Variants in ABCA4 observed in about 807,000 individuals in gnomAD.
ABCA4 encodes ATP binding cassette subfamily A member 4.
In ABCA4, 196 loss-of-function variants were observed where a neutral mutation model predicts 263.7. That is an observed-to-expected ratio of 0.74 (90% CI 0.66 to 0.84). The LOEUF (loss-of-function observed/expected upper bound fraction) is 0.84. ABCA4 is among the 40% of genes least tolerant of loss of function. The pLI is 0.00. For missense variants in ABCA4, 2,792 were observed against 2,855.1 expected, an observed-to-expected ratio of 0.98 and a Z score of 0.50; for synonymous variants, 1,133 against 1,094.2, an observed-to-expected ratio of 1.04 and a Z score of -0.70.
At chr1:94,033,468 G>T (rs983185586) in intron 26 of ABCA4, among the ~76,000 whole-genome samples, 2 of 151,832 alleles carry the variant, frequency 1.3e-5, no homozygotes, top group African/African-American at 4.8e-5. Flanking sequence ...CACAGGATTG[G>T]TTTGGAAATT....
rs776866627 is a variant in ABCA4, at chr1:94,036,743, C to T, written c.3859G>A (p.Ala1287Thr). The change falls in exon 26 of 50, where the codon GCG becomes ACG. Residue 1287 changes from alanine to threonine, a missense_variant. Ala to Thr is a moderately conservative substitution (Grantham distance 58). Transcript: ENST00000370225. ...TEDSDSGPLF[A>T]GGAQQKRENV... ...GCCACTGGCTCCAGCACCATACCCG[C>T]AAACAGAGGTCCTGAATCAGAATCC... 1 of 1,614,072 alleles carries T rather than the reference C, an allele frequency of 6.2e-7. No individual in the cohort carries two copies. Among genetic ancestry groups the T allele is most frequent in the Non-Finnish European group, 8.5e-7 (1 of 1,180,004 alleles).
intron 8 of ABCA4, 139 bp downstream of exon 8, chr1:94,080,339 T>C: frequency 1.7e-6 from 2 of 1,199,364 alleles, no homozygotes; most frequent in Non-Finnish European, 2.4e-6. Flanking sequence ...GTGGACTTTC[T>C]GGGAGAAGTC....
At chr1:94,066,356 T>C (rs1290809281) in intron 11 of ABCA4, among the ~76,000 whole-genome samples, 1 of 152,230 alleles carries the variant, frequency 6.6e-6, no homozygotes, top group Non-Finnish European at 1.5e-5. Context: ...CAAAGATAAG[T>C]AGTCAAATAA....
Position 94,021,647 on chromosome 1 carries a change from T to G in ABCA4, c.4841A>C (p.Asn1614Thr). The change falls in exon 34 of 50, where the codon AAC becomes ACC. Residue 1614 changes from asparagine (N) to threonine (T), a missense_variant. Physicochemically the swap from Asn to Thr is moderately conservative, Grantham distance 65. Transcript: ENST00000370225. ...TATACATAGGTCAAGTACCTTAATG[T>G]TGTCTTCAGTTTCTAGATGTTTAAG... The part of the protein sequence containing the change: ...DFLKHLETED[N>T]IKVWFNNKGW... 1 of 1,611,774 alleles carries G rather than the reference T, an allele frequency of 6.2e-7. No homozygotes were observed. Among genetic ancestry groups the G allele is most frequent in the Non-Finnish European group, 8.5e-7 (1 of 1,178,568 alleles).
intron 47 of ABCA4, among the ~76,000 whole-genome samples, chr1:93,999,045 CCAG>C (rs1659101838): frequency 6.6e-6 from 1 of 150,952 alleles, no homozygotes; most frequent in African/African-American, 2.4e-5. Flanking sequence ...GCCACCACGC[CCAG>C]CCTATTTTAT....
chr1:94,109,050 G>A (rs2101156995), intron 3 of ABCA4, among the ~76,000 whole-genome samples: 1 of 152,296 alleles, frequency 6.6e-6, no homozygotes, highest in South Asian at 2.1e-4. Context: ...GGGATTACAG[G>A]CATGAGCCAC....
Position 94,060,579 on chromosome 1 carries a change from G to A in ABCA4, c.2118C>T (p.Ser706=). The A allele has an allele frequency of 6.2e-7, 1 of 1,614,188 alleles. No individual in the cohort carries two copies. The highest frequency in any genetic ancestry group is 1.3e-5 in the African/African-American group (1 of 75,042). The part of the protein sequence containing the change: ...IWCTWFLDSF[S]IMSMSIFLLT... ...GGAGGAAGATGCTCATCGACATGAT[G>A]GAGAAGCTGTCCAGGAACCAGGTAC... Residue 706 remains serine, a synonymous_variant, in exon 14 of 50, where the codon TCC becomes TCT. Transcript: ENST00000370225.
intron 2 of ABCA4, among the ~76,000 whole-genome samples, chr1:94,112,531 C>T (rs1449101915): frequency 6.6e-6 from 1 of 152,192 alleles, no homozygotes; most frequent in Admixed American, 6.5e-5. Flanking sequence ...GACAAGGTGG[C>T]TCATGCTTGT....
Position 94,040,147 on chromosome 1 carries a change from T to G in ABCA4, c.3523-20A>C. ...GGTCCCCTGCAACAGATGGATGGGA[T>G]GACTGACAAGATGCACATCCCTTCC... On this transcript the variant is annotated intron_variant, in intron 23 of 49. Transcript: ENST00000370225. 1 of 1,582,764 alleles carries G rather than the reference T, an allele frequency of 6.3e-7. No individual in the cohort carries two copies. The highest frequency in any genetic ancestry group is 8.6e-7 in the Non-Finnish European group (1 of 1,157,878).
rs1409497477 is a variant in ABCA4, at chr1:94,080,613, G to A, written c.964C>T (p.Leu322Phe). Residue 322 changes from leucine to phenylalanine, a missense_variant, in exon 8 of 50, where the codon CTC (leucine) becomes TTC (phenylalanine). Coordinates refer to ENST00000370225, the MANE Select transcript of ABCA4 (RefSeq NM_000350.3). ...FTKLMGILSD[L>F]LCGYPEGGGS... ...CCTCCCTCGGGGTAGCCACACAGGA[G>A]GTCAGACAGGATGCCCATCAGCTTT... 1.2e-6 allele frequency: 2 copies of A among 1,614,024 alleles called. No homozygotes were observed. The highest frequency in any genetic ancestry group is 1.3e-5 in the African/African-American group (1 of 74,906).
At chr1:94,064,807 G>A (rs964906532) in intron 11 of ABCA4, among the ~76,000 whole-genome samples, 1 of 152,098 alleles carries the variant, frequency 6.6e-6, no homozygotes, top group African/African-American at 2.4e-5. Flanking sequence ...GGGCTTCCCC[G>A]GACACGTGCT....
Position 94,021,884 on chromosome 1 carries a change from A to C in ABCA4, c.4735T>G (p.Phe1579Val). ...VPITGEALVG[F>V]LSDLGRIMNV... ...ATGATCCGGCCAAGGTCGCTTAAAA[A>C]CCCAACAAGTGCTTCCCCCGTGATG... Residue 1579 changes from phenylalanine (F) to valine (V), a missense_variant, in exon 33 of 50, where the codon TTT becomes GTT. Coordinates refer to ENST00000370225, the MANE Select transcript of ABCA4 (RefSeq NM_000350.3). The C allele has an allele frequency of 6.2e-7, 1 of 1,614,078 alleles. No individual in the cohort carries two copies. The highest frequency in any genetic ancestry group is 8.5e-7 in the Non-Finnish European group (1 of 1,179,998).
intron 30 of ABCA4, among the ~76,000 whole-genome samples, chr1:94,027,460 C>CA (rs1294780679): frequency 6.6e-6 from 1 of 152,104 alleles, no homozygotes; most frequent in East Asian, 1.9e-4. Flanking sequence ...GCATTGACAG[C>CA]AAAGCAAACA....
chr1:94,095,665 G>T (rs550259708), intron 6 of ABCA4, among the ~76,000 whole-genome samples: 4 of 151,876 alleles, frequency 2.6e-5, no homozygotes, highest in African/African-American at 9.7e-5. Flanking sequence ...CCTGCCTCAG[G>T]CTTGTTTTTC....
In ABCA4 at chr1:94,031,803, C is replaced by T. The variant is rs761163530; in HGVS notation, c.4103G>A (p.Arg1368His). ...LLVKRFQHTI[R>H]SHKDFLAQIV... ...CTGCGCCAGGAAGTCCTTGTGGCTG[C>T]GGATGGTGTGTTGGAATCTCTTGAC... is the stretch of plus-strand genomic sequence containing the variant. The change falls in exon 27 of 50, where the codon CGC (arginine) becomes CAC (histidine). Residue 1368 changes from arginine (R) to histidine (H), a missense_variant. By Grantham distance (29) the Arg-to-His change is conservative. Coordinates refer to ENST00000370225, the MANE Select transcript of ABCA4 (RefSeq NM_000350.3). The T allele has an allele frequency of 9.9e-6, 16 of 1,613,762 alleles. No homozygotes were observed. The highest frequency in any genetic ancestry group is 6.7e-5 in the African/African-American group (5 of 74,914).
intron 1 of ABCA4, among the ~76,000 whole-genome samples, chr1:94,118,806 C>T (rs4147800): frequency 3.9e-5 from 6 of 152,012 alleles, no homozygotes; most frequent in African/African-American, 1.4e-4. Context: ...CCCATGCCAG[C>T]GAAAGGCCAG....
chr1:94,072,421 T>C (rs1932015), intron 11 of ABCA4, among the ~76,000 whole-genome samples: 86,756 of 152,036 alleles, frequency 0.57, 25,635 homozygotes, highest in South Asian at 0.82. Flanking sequence ...ATCAAATATA[T>C]TATGAAATGA....
At chr1:94,001,286 A>G (rs1659174260) in intron 45 of ABCA4, among the ~76,000 whole-genome samples, 181 bp from the exon 46 acceptor site, 1 of 152,224 alleles carries the variant, frequency 6.6e-6, no homozygotes, top group South Asian at 2.1e-4. Context: ...AGGTGGATCC[A>G]AGAGTAAAGA....
chr1:94,045,063 G>A (rs185576803), intron 19 of ABCA4, among the ~76,000 whole-genome samples: 17 of 152,356 alleles, frequency 1.1e-4, no homozygotes, highest in East Asian at 3.9e-4. Flanking sequence ...CAGCCATCAC[G>A]GAGCCTGGTG....
Sources: gnomAD v4.1 joint callset for allele counts (sites outside exome capture counted in the v4.1 genomes callset) on GRCh38, gnomAD v4.1.1 for gene constraint, MANE v1.5 for transcripts, NCBI Gene and HGNC (gene_info 2026-07-23, HGNC 2026-07-21) for gene names.